Variants in THSD7B observed in about 807,000 individuals in gnomAD.
THSD7B encodes the protein thrombospondin type-1 domain-containing protein 7B.
In THSD7B, 138 loss-of-function variants were observed where a neutral mutation model predicts 213.6. The observed-to-expected ratio is 0.65, with a 90% CI of 0.56 to 0.74. THSD7B has a LOEUF of 0.74. Among genes scored for constraint, THSD7B ranks in the 30% least tolerant of loss-of-function variants. The pLI is 0.00. For synonymous variants in THSD7B, 742 were observed against 687.0 expected (o/e 1.08, Z -1.25); for missense variants, 1,931 against 1,991.5 (o/e 0.97, Z 0.58).
chr2:137,253,414 G>C (rs1480691350), intron 10 of THSD7B, among the ~76,000 whole-genome samples: 2 of 152,082 alleles, frequency 1.3e-5, no homozygotes, highest in Non-Finnish European at 2.9e-5. Context: ...TTTCTTCGTG[G>C]AACAGCCAGG....
intron 21 of THSD7B, among the ~76,000 whole-genome samples, chr2:137,648,779 G>T (rs1412787887): frequency 2.6e-5 from 4 of 151,962 alleles, no homozygotes; most frequent in Non-Finnish European, 5.9e-5. Flanking sequence ...TTATGTGTGT[G>T]TGTATTCAGT....
intron 10 of THSD7B, among the ~76,000 whole-genome samples, chr2:137,264,605 C>T: frequency 6.6e-6 from 1 of 152,050 alleles, no homozygotes; most frequent in Non-Finnish European, 1.5e-5. Flanking sequence ...GTTGTTTTCC[C>T]CTCATATTAA....
chr2:137,073,681 T>C (rs537379546), intron 3 of THSD7B, among the ~76,000 whole-genome samples: 2 of 152,296 alleles, frequency 1.3e-5, no homozygotes, highest in East Asian at 3.9e-4. Context: ...GATGTTAGGG[T>C]GTCAATTTTA....
chr2:137,473,459 C>T (rs1017821537), intron 15 of THSD7B, among the ~76,000 whole-genome samples: 1 of 152,120 alleles, frequency 6.6e-6, no homozygotes, highest in African/African-American at 2.4e-5. Flanking sequence ...CCGCCCGCCT[C>T]GGCCTCCCAA....
At chr2:137,128,201 A>G (rs1475389317) in intron 5 of THSD7B, among the ~76,000 whole-genome samples, 1 of 152,168 alleles carries the variant, frequency 6.6e-6, no homozygotes, top group Non-Finnish European at 1.5e-5. Flanking sequence ...CTTTTAGTGT[A>G]CTATAGATTA....
At chr2:137,559,074 CA>C (rs1335184767) in intron 15 of THSD7B, among the ~76,000 whole-genome samples, 1 of 152,142 alleles carries the variant, frequency 6.6e-6, no homozygotes, top group Non-Finnish European at 1.5e-5. Flanking sequence ...AGGACACAAA[CA>C]AATGGAAGAA....
At chr2:137,444,896 T>G (rs559746418) in intron 14 of THSD7B, among the ~76,000 whole-genome samples, 1 of 151,884 alleles carries the variant, frequency 6.6e-6, no homozygotes, top group South Asian at 2.1e-4. Context: ...AACCAGAATA[T>G]AAAAGGAACT....
At chr2:136,947,619 C>G (rs539266520) in intron 2 of THSD7B, among the ~76,000 whole-genome samples, 1 of 151,988 alleles carries the variant, frequency 6.6e-6, no homozygotes, top group Non-Finnish European at 1.5e-5. Context: ...CTGTCTTGCC[C>G]CTGGTCACGT....
At chr2:137,269,243 G>A (rs899991846) in intron 10 of THSD7B, among the ~76,000 whole-genome samples, 1 of 152,154 alleles carries the variant, frequency 6.6e-6, no homozygotes, top group Non-Finnish European at 1.5e-5. Flanking sequence ...TTCACTAGAG[G>A]ATCCATCCTT....
intron 15 of THSD7B, among the ~76,000 whole-genome samples, chr2:137,518,889 G>T: frequency 6.6e-6 from 1 of 152,200 alleles, no homozygotes; most frequent in East Asian, 1.9e-4. Context: ...CCAGCTACTT[G>T]GTGGCAGGTT....
In THSD7B at chr2:137,563,149, A is replaced by G. The variant is rs1681157089; in HGVS notation, c.3139-72A>G. 3.3e-6 allele frequency: 5 copies of G among 1,515,930 alleles called. No individual in the cohort carries two copies. The Admixed American group carries it at 9.3e-5, about 28-fold the overall frequency. 93.9% of individuals were successfully genotyped at this position (1,515,930 alleles called of 1,614,324 possible). A position where few individuals can be genotyped will look rare whatever the true frequency, so the allele number is the denominator to read the frequency against. On this transcript the variant is annotated intron_variant, in intron 15 of 27. Transcript: ENST00000409968. The stretch of plus-strand genomic sequence containing the variant: ...TCTTGGGTTATGTTCAGCAAGCATT[A>G]CTAAAAGATAGGCTATTTTTCTATA...
chr2:137,061,697 A>G (rs1312752462), intron 3 of THSD7B, among the ~76,000 whole-genome samples: 1 of 151,860 alleles, frequency 6.6e-6, no homozygotes, highest in Admixed American at 6.6e-5. Context: ...AGCCTTGTGT[A>G]TGTGGAATAA....
intron 15 of THSD7B, among the ~76,000 whole-genome samples, chr2:137,503,968 A>C (rs915455935): frequency 9.2e-5 from 14 of 151,358 alleles, no homozygotes; most frequent in South Asian, 2.1e-4. Flanking sequence ...CAGAGGTTGC[A>C]GTGAGCCAAG....
chr2:137,493,122 CA>C (rs376770053), intron 15 of THSD7B, among the ~76,000 whole-genome samples: 851 of 44,154 alleles, frequency 0.019, 3 homozygotes, highest in African/African-American at 0.073. Context: ...CTCTCTCTCT[CA>C]AAAAAAAAAA....
At chr2:137,382,645 G>A (rs1036093486) in intron 12 of THSD7B, among the ~76,000 whole-genome samples, 2 of 152,348 alleles carry the variant, frequency 1.3e-5, no homozygotes, top group Non-Finnish European at 1.5e-5. Context: ...GTGCATTCAT[G>A]CATAACAATC....
chr2:137,013,396 T>G (rs1223880682), intron 2 of THSD7B, among the ~76,000 whole-genome samples: 3 of 152,056 alleles, frequency 2.0e-5, no homozygotes, highest in Non-Finnish European at 4.4e-5. Context: ...CCAGGCAAAC[T>G]TCATGAGTTG....
intron 10 of THSD7B, among the ~76,000 whole-genome samples, chr2:137,271,058 A>T (rs970914391): frequency 2.6e-5 from 4 of 152,020 alleles, no homozygotes; most frequent in African/African-American, 9.7e-5. Context: ...AAATGCATAT[A>T]TAATTTTAAT....
chr2:136,951,709 A>G (rs1330474756), intron 2 of THSD7B, among the ~76,000 whole-genome samples: 1 of 152,214 alleles, frequency 6.6e-6, no homozygotes, highest in African/African-American at 2.4e-5. Flanking sequence ...TTTTAATTCA[A>G]ATATTTCAGA....
chr2:137,415,510 C>G (rs547369508), intron 14 of THSD7B, among the ~76,000 whole-genome samples: 1 of 152,172 alleles, frequency 6.6e-6, no homozygotes, highest in South Asian at 2.1e-4. Flanking sequence ...TTAATGAGTT[C>G]CATCACTGCC....
Sources: gnomAD v4.1 joint callset for allele counts (sites outside exome capture counted in the v4.1 genomes callset) on GRCh38, gnomAD v4.1.1 for gene constraint, MANE v1.5 for transcripts, NCBI Gene and HGNC (gene_info 2026-07-23, HGNC 2026-07-21) for gene names.